METTL15: variants seen among roughly 807,000 people sequenced by gnomAD.
METTL15 encodes methyltransferase 15, mitochondrial 12S rRNA N4-cytidine.
In METTL15, 34 loss-of-function variants were observed where a neutral mutation model predicts 38.3. The ratio of observed to expected loss-of-function variants is 0.89; its 90% CI spans 0.68 to 1.18. The LOEUF (loss-of-function observed/expected upper bound fraction) is 1.18. METTL15 is among the 50% of genes most tolerant of loss of function. The pLI, the probability that METTL15 is intolerant of heterozygous loss-of-function variation, is 0.00. For missense variants in METTL15, 438 were observed against 498.4 expected, an observed-to-expected ratio of 0.88 and a Z score of 1.15; for synonymous variants, 162 against 170.9, an observed-to-expected ratio of 0.95 and a Z score of 0.41.
chr11:28,231,399 T>G (rs11030255), intron 4 of METTL15, among the ~76,000 whole-genome samples: 23,455 of 151,808 alleles, frequency 0.15, 1,971 homozygotes, highest in East Asian at 0.28. Flanking sequence ...TAATAAGATA[T>G]CGCTGATTAA....
At chr11:28,484,838 A>G (rs1202608264) in intron 6 of METTL15, among the ~76,000 whole-genome samples, 1 of 149,766 alleles carries the variant, frequency 6.7e-6, no homozygotes, top group African/African-American at 2.4e-5. Flanking sequence ...TAATTGGCAA[A>G]GGGTTTCTAA....
intron 4 of METTL15, among the ~76,000 whole-genome samples, chr11:28,265,391 TAGAA>T (rs1777356087): frequency 6.6e-6 from 1 of 151,968 alleles, no homozygotes; most frequent in East Asian, 1.9e-4. Flanking sequence ...ATAGAAAGGA[TAGAA>T]AGAACTTTGA....
At chr11:28,199,598 T>C (rs913128617) in intron 3 of METTL15, among the ~76,000 whole-genome samples, 1 of 152,104 alleles carries the variant, frequency 6.6e-6, no homozygotes, top group South Asian at 2.1e-4. Flanking sequence ...GAGGGAGATA[T>C]GGAAGGTAGG....
chr11:28,330,198 G>GT (rs1009142820), intron 6 of METTL15, among the ~76,000 whole-genome samples, 198 bp from the exon 7 acceptor site: 1 of 152,032 alleles, frequency 6.6e-6, no homozygotes, highest in Non-Finnish European at 1.5e-5. Flanking sequence ...GTTATGAAAG[G>GT]TTTTTTTGCC....
chr11:28,147,901 G>A (rs532482967), intron 3 of METTL15, among the ~76,000 whole-genome samples: 1 of 151,814 alleles, frequency 6.6e-6, no homozygotes, highest in Non-Finnish European at 1.5e-5. Flanking sequence ...GAATGTGCCT[G>A]AGGAGTTTAA....
intron 5 of METTL15, among the ~76,000 whole-genome samples, chr11:28,404,940 T>C (rs1850661635): frequency 6.6e-6 from 1 of 152,148 alleles, no homozygotes; most frequent in Non-Finnish European, 1.5e-5. Flanking sequence ...ATGTCAGAGC[T>C]TAATATTTGT....
intron 4 of METTL15, among the ~76,000 whole-genome samples, chr11:28,255,400 G>T (rs913159994): frequency 6.6e-6 from 1 of 152,116 alleles, no homozygotes. Context: ...CTGCAAACAA[G>T]GATAATTTGA....
At chr11:28,409,934 C>T (rs1203620710) in intron 5 of METTL15, among the ~76,000 whole-genome samples, 1 of 151,728 alleles carries the variant, frequency 6.6e-6, no homozygotes, top group East Asian at 1.9e-4. Flanking sequence ...AAAATGGAGA[C>T]ATTACAAAGA....
intron 3 of METTL15, among the ~76,000 whole-genome samples, chr11:28,164,743 C>T (rs1054878958): frequency 2.0e-5 from 3 of 151,962 alleles, no homozygotes; most frequent in South Asian, 2.1e-4. Context: ...ATGTGTACAA[C>T]GTGCAGGTTT....
Position 28,111,947 on chromosome 11 carries a change from A to C in METTL15, c.-17-1371A>C, listed in dbSNP as rs1851735953. Reference sequence around the variant, plus strand: ...CTGCCAAGCAACCAAAAATCTACTTAGATCACTCATTCCCCCCCCCACCGA... The same window carrying C: ...CTGCCAAGCAACCAAAAATCTACTTCGATCACTCATTCCCCCCCCCACCGA... On this transcript the variant is annotated intron_variant, in intron 2 of 6. Transcript: ENST00000407364. Among the ~76,000 whole-genome samples, 3 of 152,108 alleles carry C rather than the reference A, an allele frequency of 2.0e-5. No individual in the cohort carries two copies. The South Asian group carries it at 6.2e-4, about 32-fold the overall frequency.
At chr11:28,418,022 G>C (rs763291761) in intron 5 of METTL15, among the ~76,000 whole-genome samples, 4 of 152,092 alleles carry the variant, frequency 2.6e-5, no homozygotes, top group Non-Finnish European at 5.9e-5. Flanking sequence ...TGAGTGCAGG[G>C]CTCTGTGTTT....
chr11:28,299,204 C>A (rs916658295), intron 6 of METTL15, among the ~76,000 whole-genome samples: 4 of 152,052 alleles, frequency 2.6e-5, no homozygotes, highest in Non-Finnish European at 5.9e-5. Flanking sequence ...TCTTAACAAA[C>A]CACACCCATG....
intron 6 of METTL15, among the ~76,000 whole-genome samples, chr11:28,445,178 A>G (rs1269000490): frequency 6.6e-6 from 1 of 152,006 alleles, no homozygotes; most frequent in African/African-American, 2.4e-5. Flanking sequence ...CAACACACCT[A>G]AGTCAGTGTT....
chr11:28,122,124 T>C (rs1305414892), intron 3 of METTL15: 1 of 1,217,344 alleles, frequency 8.2e-7, no homozygotes, highest in Non-Finnish European at 1.1e-6. Context: ...GTATCAAGTT[T>C]AGAAATTCCT....
At chr11:28,115,901 T>A (rs572504959) in intron 3 of METTL15, among the ~76,000 whole-genome samples, 17 of 148,128 alleles carry the variant, frequency 1.1e-4, no homozygotes, top group Non-Finnish European at 1.9e-4. Flanking sequence ...CACATACATA[T>A]ATGCATGTAT....
intron 6 of METTL15, among the ~76,000 whole-genome samples, chr11:28,454,930 C>T (rs560510925): frequency 2.5e-4 from 38 of 152,208 alleles, no homozygotes; most frequent in Non-Finnish European, 5.3e-4. Context: ...AGGAAGATTG[C>T]CTGTCCCTTG....
Position 28,400,574 on chromosome 11 carries a change from T to A in METTL15, c.*359-23725T>A, listed in dbSNP as rs192753201. On this transcript the variant is annotated intron_variant and NMD_transcript_variant, in intron 5 of 7. Coordinates refer to the METTL15 transcript ENST00000532947. ...CTTGAATTTGTCAGTGGAGTCTGAG[T>A]TCCCCCCATCCCTCACCCCTCTTGA... Among the ~76,000 whole-genome samples the A allele has an allele frequency of 3.3e-5, 5 of 152,036 alleles. No individual in the cohort carries two copies. The East Asian group carries it at 9.7e-4, about 30-fold the overall frequency.
At chr11:28,425,087 C>A (rs560216618) in intron 6 of METTL15, among the ~76,000 whole-genome samples, 1 of 152,242 alleles carries the variant, frequency 6.6e-6, no homozygotes, top group Non-Finnish European at 1.5e-5. Flanking sequence ...CTGGTGATAT[C>A]TTCTGGGCTC....
chr11:28,452,270 G>T (rs1438928443), intron 6 of METTL15, among the ~76,000 whole-genome samples: 1 of 152,116 alleles, frequency 6.6e-6, no homozygotes, highest in Admixed American at 6.5e-5. Flanking sequence ...CTGGTTACTT[G>T]TCCAATATCA....
Sources: allele counts gnomAD v4.1 joint callset (sites outside exome capture counted in the v4.1 genomes callset), GRCh38; gene constraint gnomAD v4.1.1; transcripts MANE v1.5; gene names NCBI Gene and HGNC (gene_info 2026-07-23, HGNC 2026-07-21).